RCN3: variants seen among roughly 807,000 people sequenced by gnomAD.
RCN3 encodes reticulocalbin 3, also known as reticulocalbin-3.
A neutral mutation model predicts 35.9 loss-of-function variants in RCN3; 41 were observed. The ratio of observed to expected loss-of-function variants is 1.14; its 90% CI spans 0.89 to 1.48. The LOEUF is 1.48. RCN3 is among the 40% of genes most tolerant of loss of function. The pLI, the probability that RCN3 is intolerant of heterozygous loss-of-function variation, is 0.00. For missense variants in RCN3, 451 were observed against 471.3 expected (o/e 0.96, Z 0.40); for synonymous variants, 187 against 193.4 (o/e 0.97, Z 0.27).
chr19:49,530,371 G>C (rs1330920794), intron 2 of RCN3, among the ~76,000 whole-genome samples: 1 of 142,738 alleles, frequency 7.0e-6, no homozygotes, highest in East Asian at 2.0e-4. Flanking sequence ...GGGTTTCACT[G>C]TGTTGCCCAG....
At position 49,540,139 on chromosome 19, in the gene RCN3, CTCTT is replaced by C. The variant is rs1302414577; in HGVS notation, c.679+968_679+971del. On this transcript the variant is annotated intron_variant, in intron 5 of 6. Coordinates refer to ENST00000270645, the MANE Select transcript of RCN3 (RefSeq NM_020650.3). ...TCTCTCACTTTCTTTCTTTCTGTCA[CTCTT>C]TCTTTCTATCTGTCTGTCTGTGTGT... 4.0e-5 allele frequency among the ~76,000 whole-genome samples: 6 copies of C among 151,598 alleles called. 1 individual carries two copies. The highest frequency in any genetic ancestry group is 4.2e-4 in the South Asian group (2 of 4,796).
At chr19:49,538,112 C>T (rs1052413563) in intron 4 of RCN3, among the ~76,000 whole-genome samples, 58 of 151,348 alleles carry the variant, frequency 3.8e-4, no homozygotes, top group Non-Finnish European at 7.5e-4. Flanking sequence ...CCACCTCCGC[C>T]TTCTGAGAAG....
At chr19:49,535,029 C>A (rs997410457) in intron 3 of RCN3, among the ~76,000 whole-genome samples, 1 of 152,070 alleles carries the variant, frequency 6.6e-6, no homozygotes, top group African/African-American at 2.4e-5. Context: ...CCAGCCTCCC[C>A]GTCCAGTCTG....
chr19:49,529,511 C>A (rs917616006), intron 2 of RCN3, among the ~76,000 whole-genome samples: 1 of 152,202 alleles, frequency 6.6e-6, no homozygotes, highest in Non-Finnish European at 1.5e-5. Context: ...ACTGATTGAG[C>A]CTGCAAAGGT....
Position 49,543,193 on chromosome 19 carries a change from C to T in RCN3, c.967C>T (p.Arg323Trp), listed in dbSNP as rs773739610. 26 of 1,613,278 alleles carry T rather than the reference C, an allele frequency of 1.6e-5. No homozygotes were observed. In the Middle Eastern group the frequency reaches 4.9e-4, roughly 31 times the overall value. Reference sequence around the variant, plus strand: ...CACCAACTATGGCGAGGACCTGACCCGGCACCACGATGAGCTGTGAGCACC... The same window carrying T: ...CACCAACTATGGCGAGGACCTGACCTGGCACCACGATGAGCTGTGAGCACC... ...QATNYGEDLT[R>W]HHDEL The change falls in exon 7 of 7, where the codon CGG becomes TGG. Residue 323 changes from arginine (R) to tryptophan (W), a missense_variant. Transcript: ENST00000270645.
At position 49,542,686 on chromosome 19, in the gene RCN3, G is replaced by T; in HGVS notation, c.813G>T (p.Leu271=). The T allele has an allele frequency of 6.3e-7, 1 of 1,597,074 alleles. No homozygotes were observed. Among genetic ancestry groups the T allele is most frequent in the Non-Finnish European group, 8.5e-7 (1 of 1,173,350 alleles). Residue 271 remains leucine (L), a synonymous_variant, in exon 6 of 7, where the codon CTG becomes CTT. Transcript: ENST00000270645. The part of the protein sequence containing the change: ...LDGSEVGHWV[L]PPAQDQPLVE... ...GGAGTGAGGTGGGCCACTGGGTGCT[G>T]CCCCCTGCCCAGGACCAGCCCCTGG...
At chr19:49,533,549 G>A (rs2080118966) in intron 2 of RCN3, among the ~76,000 whole-genome samples, 1 of 152,212 alleles carries the variant, frequency 6.6e-6, no homozygotes, top group Non-Finnish European at 1.5e-5. Context: ...GGAGCATGGG[G>A]AGGGGCAGAG....
intron 4 of RCN3, among the ~76,000 whole-genome samples, chr19:49,538,708 T>A (rs1451376233): frequency 6.6e-6 from 1 of 152,148 alleles, no homozygotes; most frequent in Non-Finnish European, 1.5e-5. Context: ...GTGTCCAGTG[T>A]GTCAGAAGAA....
At chr19:49,536,931 C>CA in intron 3 of RCN3, 102 bp from the exon 4 acceptor site, 1 of 1,147,974 alleles carries the variant, frequency 8.7e-7, no homozygotes, top group Non-Finnish European at 1.2e-6. Context: ...ATTAACTCCA[C>CA]AGAAATCTTT....
intron 2 of RCN3, among the ~76,000 whole-genome samples, chr19:49,529,373 G>C (rs561317104): frequency 6.6e-6 from 1 of 152,330 alleles, no homozygotes; most frequent in East Asian, 1.9e-4. Flanking sequence ...GCCAGTGCAG[G>C]AGAGTGGCAG....
At chr19:49,537,320 C>A in intron 4 of RCN3, 115 bp downstream of exon 4, 1 of 1,100,980 alleles carries the variant, frequency 9.1e-7, no homozygotes, top group Non-Finnish European at 1.2e-6. Context: ...GGTTCTCCAG[C>A]ATCTTGCCGG....
At chr19:49,542,214 C>T (rs919661940) in intron 5 of RCN3, among the ~76,000 whole-genome samples, 6 of 152,144 alleles carry the variant, frequency 3.9e-5, no homozygotes, top group African/African-American at 1.4e-4. Context: ...TGCTAACTGG[C>T]CAGAAACATC....
At chr19:49,536,288 CTTTT>C (rs968434638) in intron 3 of RCN3, among the ~76,000 whole-genome samples, 5 of 70,800 alleles carry the variant, frequency 7.1e-5, no homozygotes, top group Non-Finnish European at 1.3e-4. Context: ...ACCCGGCCTA[CTTTT>C]TTTTTTTTTT....
At chr19:49,539,084 T>C in intron 4 of RCN3, 35 bp from the exon 5 acceptor site, 5 of 1,535,482 alleles carry the variant, frequency 3.3e-6, no homozygotes, top group Non-Finnish European at 4.4e-6. Context: ...GCCAGGGTCA[T>C]CGGCCCCCAG....
intron 2 of RCN3, among the ~76,000 whole-genome samples, chr19:49,530,155 T>G (rs2080101361): frequency 6.6e-6 from 1 of 151,646 alleles, no homozygotes; most frequent in South Asian, 2.1e-4. Context: ...AGCAAAGTTT[T>G]TTTTCTTTCC....
At chr19:49,538,012 G>A (rs1191027588) in intron 4 of RCN3, among the ~76,000 whole-genome samples, 3 of 148,266 alleles carry the variant, frequency 2.0e-5, no homozygotes, top group East Asian at 4.0e-4. Flanking sequence ...TAGTTTTTGA[G>A]ACAGGGCCTA....
At chr19:49,537,808 T>C (rs1179610298) in intron 4 of RCN3, among the ~76,000 whole-genome samples, 1 of 120,474 alleles carries the variant, frequency 8.3e-6, no homozygotes, top group Non-Finnish European at 1.8e-5. Context: ...CAATTTTTAA[T>C]TTTTTTTTCT....
At position 49,543,255 on chromosome 19, in the gene RCN3, C is replaced by T. The variant is rs892175591; in HGVS notation, c.*42C>T. ...ACAGCCTCAGAGGCCCGCACAATGACCGGAGGAGGGGCCGCTGTGGTCTGG... is the reference window on the plus strand; with the variant it reads ...ACAGCCTCAGAGGCCCGCACAATGATCGGAGGAGGGGCCGCTGTGGTCTGG... On this transcript the variant is annotated 3_prime_UTR_variant, in exon 7 of 7. Transcript: ENST00000270645. 13 of 1,517,400 alleles carry T rather than the reference C, an allele frequency of 8.6e-6. No homozygotes were observed. Among genetic ancestry groups the T allele is most frequent in the Non-Finnish European group, 1.1e-5 (12 of 1,097,614 alleles). 94.0% of individuals were successfully genotyped at this position (1,517,400 alleles called of 1,614,324 possible). A position where few individuals can be genotyped will look rare whatever the true frequency, so the allele number is the denominator to read the frequency against.
In RCN3 at chr19:49,543,217, C is replaced by T. The variant is rs2080172201; in HGVS notation, c.*4C>T. The T allele has an allele frequency of 1.2e-6, 2 of 1,601,314 alleles. No individual in the cohort carries two copies. Among genetic ancestry groups the T allele is most frequent in the African/African-American group, 1.3e-5 (1 of 74,516 alleles). On this transcript the variant is annotated 3_prime_UTR_variant, in exon 7 of 7. Coordinates refer to ENST00000270645, the MANE Select transcript of RCN3 (RefSeq NM_020650.3). ...CCGGCACCACGATGAGCTGTGAGCA[C>T]CGCGCACCTGCCACAGCCTCAGAGG...
Sources: gnomAD v4.1 joint callset for allele counts (sites outside exome capture counted in the v4.1 genomes callset) on GRCh38, gnomAD v4.1.1 for gene constraint, MANE v1.5 for transcripts, NCBI Gene and HGNC (gene_info 2026-07-23, HGNC 2026-07-21) for gene names.